Variants in SPATA16 observed in about 807,000 individuals in gnomAD.
The protein encoded by SPATA16 is spermatogenesis associated 16.
SPATA16 carries 36 observed loss-of-function variants against 63.3 expected under a neutral mutation model. The observed-to-expected ratio is 0.57, with a 90% confidence interval of 0.44 to 0.75. SPATA16 has a LOEUF of 0.75. Ranked by LOEUF, SPATA16 falls within the 30% of genes least tolerant of loss-of-function variation. The probability of loss-of-function intolerance (pLI) is 0.00; values close to 1 mark genes in which losing one functional copy is unlikely to be tolerated. For synonymous variants in SPATA16, 203 were observed against 216.7 expected (o/e 0.94, Z 0.56); for missense variants, 646 against 679.3 (o/e 0.95, Z 0.54).
chr3:172,980,937 G>A (rs1040122365), intron 4 of SPATA16, among the ~76,000 whole-genome samples: 2 of 152,048 alleles, frequency 1.3e-5, no homozygotes, highest in South Asian at 2.1e-4. Flanking sequence ...TTGTCTCTGC[G>A]ACTCATTCCA....
intron 2 of SPATA16, among the ~76,000 whole-genome samples, chr3:173,114,291 C>T (rs932248912): frequency 2.0e-5 from 3 of 151,472 alleles, no homozygotes; most frequent in African/African-American, 7.3e-5. Context: ...TTCTCAGTAA[C>T]AGAACTTCAG....
At chr3:173,130,467 T>G (rs894418470) in intron 1 of SPATA16, among the ~76,000 whole-genome samples, 1 of 152,128 alleles carries the variant, frequency 6.6e-6, no homozygotes, top group African/African-American at 2.4e-5. Context: ...TACAGTGCAT[T>G]TTAACTTAAC....
chr3:173,067,146 A>G (rs1046191374), intron 2 of SPATA16, among the ~76,000 whole-genome samples: 10 of 152,098 alleles, frequency 6.6e-5, no homozygotes, highest in Non-Finnish European at 1.5e-4. Flanking sequence ...ATAAAAATGA[A>G]TGAAGCGGAC....
chr3:172,933,457 G>A (rs552993935), intron 6 of SPATA16, among the ~76,000 whole-genome samples: 1 of 152,210 alleles, frequency 6.6e-6, no homozygotes, highest in African/African-American at 2.4e-5. Context: ...TCCGGGAATT[G>A]TGTGGAAGGG....
At chr3:173,078,444 G>A (rs931473536) in intron 2 of SPATA16, among the ~76,000 whole-genome samples, 3 of 152,154 alleles carry the variant, frequency 2.0e-5, no homozygotes, top group Admixed American at 2.0e-4. Context: ...TTAGAATGGG[G>A]AATTTCTTGG....
chr3:172,958,316 A>G (rs913177939), intron 5 of SPATA16, among the ~76,000 whole-genome samples: 4 of 152,240 alleles, frequency 2.6e-5, no homozygotes, highest in African/African-American at 9.6e-5. Context: ...TGGATTAGGA[A>G]CTCAAATAAG....
intron 6 of SPATA16, among the ~76,000 whole-genome samples, chr3:172,955,717 C>G (rs1733577871): frequency 1.3e-5 from 2 of 152,118 alleles, no homozygotes; most frequent in African/African-American, 4.8e-5. Context: ...AATAGTGTAG[C>G]TTGATGGCAT....
intron 2 of SPATA16, among the ~76,000 whole-genome samples, chr3:173,098,292 C>T (rs1409679156): frequency 6.6e-6 from 1 of 152,132 alleles, no homozygotes; most frequent in African/African-American, 2.4e-5. Flanking sequence ...TTCTTTCAGC[C>T]CCTTCACCAG....
intron 2 of SPATA16, among the ~76,000 whole-genome samples, chr3:173,087,812 G>A (rs1737096901): frequency 6.6e-6 from 1 of 152,096 alleles, no homozygotes; most frequent in Non-Finnish European, 1.5e-5. Flanking sequence ...GAAATTCTGG[G>A]ATGGAAATTC....
Position 172,894,805 on chromosome 3 carries a change from A to C in SPATA16, c.1588-5113T>G, listed in dbSNP as rs539876733. Among the ~76,000 whole-genome samples the C allele has an allele frequency of 3.0e-4, 45 of 152,284 alleles. No homozygotes were observed. In the South Asian group the frequency reaches 8.7e-3, roughly 29 times the overall value. On this transcript the variant is annotated intron_variant, in intron 10 of 10. Transcript: ENST00000351008. ...AGGGAACTTGTTTGCTCTGTCCACC[A>C]TGTGAAGACACAGCTAGAGTGCACC...
chr3:173,056,923 C>G (rs537275338), intron 2 of SPATA16, among the ~76,000 whole-genome samples: 1 of 151,402 alleles, frequency 6.6e-6, no homozygotes, highest in East Asian at 1.9e-4. Flanking sequence ...CTATTTTTTT[C>G]TTTTTATAAC....
chr3:173,052,744 T>C (rs1276610960), intron 2 of SPATA16, among the ~76,000 whole-genome samples: 1 of 152,222 alleles, frequency 6.6e-6, no homozygotes, highest in Admixed American at 6.5e-5. Flanking sequence ...TGGTGTGAAT[T>C]TGTTTAAATC....
intron 1 of SPATA16, among the ~76,000 whole-genome samples, chr3:173,123,390 T>C (rs371375273): frequency 6.6e-6 from 1 of 152,152 alleles, no homozygotes; most frequent in Non-Finnish European, 1.5e-5. Context: ...TTTTAGATAA[T>C]AGGATAATAT....
At chr3:173,136,065 A>C (rs1738538326) in intron 1 of SPATA16, among the ~76,000 whole-genome samples, 2 of 152,216 alleles carry the variant, frequency 1.3e-5, no homozygotes, top group Non-Finnish European at 2.9e-5. Flanking sequence ...ATTGTCTAAG[A>C]ATATAAGCAA....
At chr3:172,907,582 G>GT (rs138562877) in intron 10 of SPATA16, among the ~76,000 whole-genome samples, 19,255 of 146,022 alleles carry the variant, frequency 0.13, 1,755 homozygotes, top group African/African-American at 0.26. Context: ...TGTTTTTTTT[G>GT]TTTTTTTTTT....
intron 2 of SPATA16, among the ~76,000 whole-genome samples, chr3:173,116,540 T>A (rs938120807): frequency 1.3e-5 from 2 of 152,216 alleles, no homozygotes; most frequent in Non-Finnish European, 2.9e-5. Flanking sequence ...CAAACTTACC[T>A]GTTTACAGAT....
At chr3:172,910,031 T>TA (rs1456600309) in intron 10 of SPATA16, among the ~76,000 whole-genome samples, 2 of 152,104 alleles carry the variant, frequency 1.3e-5, no homozygotes, top group African/African-American at 4.8e-5. Context: ...ATACAAATAT[T>TA]TACTGTACAA....
At chr3:173,124,883 C>T (rs758614229) in intron 1 of SPATA16, among the ~76,000 whole-genome samples, 3 of 152,036 alleles carry the variant, frequency 2.0e-5, no homozygotes, top group Non-Finnish European at 4.4e-5. Flanking sequence ...ACATTCTCTC[C>T]TCAGGTGATT....
chr3:173,048,855 T>C, intron 3 of SPATA16, 94 bp downstream of exon 3: 2 of 1,484,846 alleles, frequency 1.3e-6, no homozygotes, highest in South Asian at 1.2e-5. Flanking sequence ...CTTCTTTAAA[T>C]TGAAATAAGA....
Sources: gnomAD v4.1 joint callset for allele counts (sites outside exome capture counted in the v4.1 genomes callset) on GRCh38, gnomAD v4.1.1 for gene constraint, MANE v1.5 for transcripts, NCBI Gene and HGNC (gene_info 2026-07-23, HGNC 2026-07-21) for gene names.